Variants in NDUFB7 observed in about 807,000 individuals in gnomAD.
NDUFB7 encodes the protein NADH:ubiquinone oxidoreductase subunit B7.
In NDUFB7, 18 loss-of-function variants were observed where a neutral mutation model predicts 14.7. The observed-to-expected ratio is 1.22, with a 90% CI of 0.85 to 1.81. NDUFB7 has a LOEUF of 1.81. NDUFB7 is among the 40% of genes most tolerant of loss of function. The pLI is 0.00. For synonymous variants in NDUFB7, 86 were observed against 76.1 expected, an observed-to-expected ratio of 1.13 and a Z score of -0.68; for missense variants, 219 against 195.0, an observed-to-expected ratio of 1.12 and a Z score of -0.73.
intron 1 of NDUFB7, among the ~76,000 whole-genome samples, chr19:14,568,078 T>C (rs1207432685): frequency 6.6e-6 from 1 of 152,166 alleles, no homozygotes; most frequent in Non-Finnish European, 1.5e-5. Flanking sequence ...GGAGTCTCAC[T>C]CTGTCACCCA....
intron 1 of NDUFB7, among the ~76,000 whole-genome samples, chr19:14,568,758 G>A (rs374628124): frequency 1.6e-4 from 25 of 152,146 alleles, no homozygotes; most frequent in Non-Finnish European, 2.6e-4. Context: ...TAGTGCACAC[G>A]GAGTATCCAG....
rs2074094232 is a variant in NDUFB7 at position 14,566,950 on chromosome 19, G to A, written c.113-17C>T. The A allele has an allele frequency of 1.3e-6, 2 of 1,565,344 alleles. No homozygotes were observed. The highest frequency in any genetic ancestry group is 1.3e-5 in the African/African-American group (1 of 74,112). On this transcript the variant is annotated splice_polypyrimidine_tract_variant and intron_variant, in intron 1 of 2. Coordinates refer to ENST00000215565, the MANE Select transcript of NDUFB7 (RefSeq NM_004146.6). ...CCACCATCTCTGCAGGGAGTGGGCG[G>A]GGCTCAACCAGGCTGGAGGCTCCCC... is the stretch of plus-strand genomic sequence containing the variant.
At chr19:14,571,700 TG>T (rs2074125945) in intron 1 of NDUFB7, among the ~76,000 whole-genome samples, 188 bp downstream of exon 1, 1 of 152,196 alleles carries the variant, frequency 6.6e-6, no homozygotes, top group East Asian at 1.9e-4. Flanking sequence ...GCTCAAGCCG[TG>T]CCCTTGGGCT....
rs1364605735 is a variant in NDUFB7, at chr19:14,572,010, C to T, written c.-10G>A. 1 of 1,579,972 alleles carries T rather than the reference C, an allele frequency of 6.3e-7. No homozygotes were observed. Among genetic ancestry groups the T allele is most frequent in the Non-Finnish European group, 8.6e-7 (1 of 1,162,630 alleles). ...CCAGGTGGGCCCCCATGGCTGCAGT[C>T]GCTGCAGATCCCTGCAGCAGCCGAG... On this transcript the variant is annotated 5_prime_UTR_variant, in exon 1 of 3. Transcript: ENST00000215565.
Position 14,567,754 on chromosome 19 carries a change from A to C in NDUFB7, c.113-821T>G. Among the ~76,000 whole-genome samples, 1 of 151,832 alleles carries C rather than the reference A, an allele frequency of 6.6e-6. No individual in the cohort carries two copies. Among genetic ancestry groups the C allele is most frequent in the African/African-American group, 2.4e-5 (1 of 41,296 alleles). ...TTCCCATCTGCGCAAGTGAGACGAG[A>C]TATATTCACATCTCAATGGCAGTCG... On this transcript the variant is annotated intron_variant, in intron 1 of 2. Transcript: ENST00000215565. The surrounding 1 kb of genome is among the most constrained non-coding windows in gnomAD (Gnocchi z 5.1).
chr19:14,570,701 C>T (rs1232789703), intron 1 of NDUFB7, among the ~76,000 whole-genome samples: 1 of 152,232 alleles, frequency 6.6e-6, no homozygotes, highest in East Asian at 1.9e-4. Flanking sequence ...CCCAGCTCTG[C>T]CTGATTCCAC....
In NDUFB7 at chr19:14,566,848, C is replaced by A. The variant is rs1568436656; in HGVS notation, c.198G>T (p.Leu66=). The change falls in exon 2 of 3, where the codon CTG becomes CTT. Residue 66 remains leucine (L), a synonymous_variant. Transcript: ENST00000215565. ...GGAAGCTGTCACGCTTGCACTTGAG[C>A]AGCCGGATGAGGTGGTGGGCGCAGT... The part of the protein sequence containing the change: ...RDYCAHHLIR[L]LKCKRDSFPN... The A allele has an allele frequency of 6.4e-7, 1 of 1,564,950 alleles. No individual in the cohort carries two copies. Among genetic ancestry groups the A allele is most frequent in the Non-Finnish European group, 8.6e-7 (1 of 1,156,666 alleles).
chr19:14,567,402 C>A lies in NDUFB7; in HGVS notation c.113-469G>T, dbSNP rs576441161. Among the ~76,000 whole-genome samples the A allele has an allele frequency of 1.0e-5, 1 of 99,730 alleles. No individual in the cohort carries two copies. Among genetic ancestry groups the A allele is most frequent in the Non-Finnish European group, 2.2e-5 (1 of 45,616 alleles). The allele number at this position is 99,730 out of a possible 152,430, so 65.4% of individuals were successfully genotyped here. A position where few individuals can be genotyped will look rare whatever the true frequency, so the allele number is the denominator to read the frequency against. Reference sequence around the variant, plus strand: ...GGCCCAGCTCTGCACTGGCCGGCGGCGTGGCCTCTCTCTCAGCCTCAGAAC... The same window carrying A: ...GGCCCAGCTCTGCACTGGCCGGCGGAGTGGCCTCTCTCTCAGCCTCAGAAC... On this transcript the variant is annotated intron_variant, in intron 1 of 2. Coordinates refer to ENST00000215565, the MANE Select transcript of NDUFB7 (RefSeq NM_004146.6). The surrounding 1 kb of genome is among the most constrained non-coding windows in gnomAD (Gnocchi z 5.1).
chr19:14,567,055 C>G lies in NDUFB7; in HGVS notation c.113-122G>C. Reference sequence around the variant, plus strand: ...GGCTTGGGGTGTCCCCCATTCACATCCAGATGGCAGTGGATGGCAGATGCC... The same window carrying G: ...GGCTTGGGGTGTCCCCCATTCACATGCAGATGGCAGTGGATGGCAGATGCC... On this transcript the variant is annotated intron_variant, in intron 1 of 2. Coordinates refer to ENST00000215565, the MANE Select transcript of NDUFB7 (RefSeq NM_004146.6). The surrounding 1 kb of genome is among the most constrained non-coding windows in gnomAD (Gnocchi z 5.1). 2 of 995,908 alleles carry G rather than the reference C, an allele frequency of 2.0e-6. No homozygotes were observed. Among genetic ancestry groups the G allele is most frequent in the Non-Finnish European group, 2.9e-6 (2 of 688,492 alleles). The allele number at this position is 995,908 out of a possible 1,614,324, so 61.7% of individuals were successfully genotyped here. A position where few individuals can be genotyped will look rare whatever the true frequency, so the allele number is the denominator to read the frequency against.
Sources: allele counts gnomAD v4.1 joint callset (sites outside exome capture counted in the v4.1 genomes callset), GRCh38; gene constraint gnomAD v4.1.1; non-coding constraint Gnocchi (gnomAD v3.1); transcripts MANE v1.5; gene names NCBI Gene and HGNC (gene_info 2026-07-23, HGNC 2026-07-21).